JKAMP: variants seen among roughly 807,000 people sequenced by gnomAD.
The protein encoded by JKAMP is JNK1/MAPK8 associated membrane protein.
A neutral mutation model predicts 40.2 loss-of-function variants in JKAMP; 20 were observed. The ratio of observed to expected loss-of-function variants is 0.50; its 90% CI spans 0.35 to 0.72. The LOEUF (loss-of-function observed/expected upper bound fraction) is 0.72. Ranked by LOEUF, JKAMP falls within the 30% of genes least tolerant of loss-of-function variation. The pLI is 0.01. For missense variants in JKAMP, 276 were observed against 373.0 expected (o/e 0.74, Z 2.14); for synonymous variants, 138 against 131.6 (o/e 1.05, Z -0.33).
chr14:59,501,184 C>T lies in JKAMP; in HGVS notation c.641-7C>T. 1 of 1,545,152 alleles carries T rather than the reference C, an allele frequency of 6.5e-7. No individual in the cohort carries two copies. The highest frequency in any genetic ancestry group is 1.4e-5 in the African/African-American group (1 of 72,848). On this transcript the variant is annotated splice_region_variant and splice_polypyrimidine_tract_variant and intron_variant, in intron 5 of 6. Coordinates refer to ENST00000616435, the MANE Select transcript of JKAMP (RefSeq NM_016475.5). ...TTTCCAACATAATACCAATGCTTAT[C>T]TTTCAGATTACGCCTTCCCATACAT...
At chr14:59,490,667 A>G (rs1890923114) in intron 3 of JKAMP, among the ~76,000 whole-genome samples, 1 of 152,226 alleles carries the variant, frequency 6.6e-6, no homozygotes, top group African/African-American at 2.4e-5. Flanking sequence ...ACATTGGGAA[A>G]GCATTTATAA....
chr14:59,497,582 A>C (rs1891544212), intron 4 of JKAMP, among the ~76,000 whole-genome samples: 2 of 152,120 alleles, frequency 1.3e-5, no homozygotes, highest in Admixed American at 6.6e-5. Context: ...AAGACTAGGA[A>C]ACTAATTCAT....
At chr14:59,503,796 A>C in intron 6 of JKAMP, 58 bp from the exon 7 acceptor site, 2 of 1,006,314 alleles carry the variant, frequency 2.0e-6, no homozygotes, top group Admixed American at 4.2e-5. Flanking sequence ...TAAATTACCC[A>C]GCTGACTTAG....
chr14:59,498,954 G>A (rs1366410771), intron 5 of JKAMP, 46 bp downstream of exon 5: 2 of 888,576 alleles, frequency 2.3e-6, no homozygotes, highest in East Asian at 5.7e-5. Flanking sequence ...ATTATTGTAT[G>A]TAGTAATATT....
At chr14:59,494,995 T>A in intron 3 of JKAMP, 23 bp from the exon 4 acceptor site, 1 of 1,567,864 alleles carries the variant, frequency 6.4e-7, no homozygotes, top group Non-Finnish European at 8.8e-7. Flanking sequence ...TTTCTAGTAA[T>A]CATGCCTCTT....
intron 5 of JKAMP, among the ~76,000 whole-genome samples, chr14:59,499,209 G>A (rs1414878709): frequency 6.6e-6 from 1 of 150,962 alleles, no homozygotes; most frequent in Non-Finnish European, 1.5e-5. Context: ...TTTTTTTTTA[G>A]TAGAGACGGG....
At position 59,503,994 on chromosome 14, in the gene JKAMP, A is replaced by T. The variant is rs372291097; in HGVS notation, c.858A>T (p.Thr286=). 8.1e-6 allele frequency: 13 copies of T among 1,613,676 alleles called. No homozygotes were observed. The Admixed American group carries it at 8.3e-5, about 10-fold the overall frequency. Reference sequence around the variant, plus strand: ...TGCCCCTTTTGGCTTTGGTACCTACACCAGCCCTTTTTTACTTGTTCACTG... The same window carrying T: ...TGCCCCTTTTGGCTTTGGTACCTACTCCAGCCCTTTTTTACTTGTTCACTG... ...QDLPLLALVP[T]PALFYLFTAK... The change falls in exon 7 of 7, where the codon ACA becomes ACT. Residue 286 remains threonine (T), a synonymous_variant. Coordinates refer to ENST00000616435, the MANE Select transcript of JKAMP (RefSeq NM_016475.5).
intron 4 of JKAMP, among the ~76,000 whole-genome samples, chr14:59,496,390 C>A (rs1035105808): frequency 1.3e-5 from 2 of 151,656 alleles, no homozygotes; most frequent in Non-Finnish European, 2.9e-5. Context: ...CCTTGCATAA[C>A]TTAACGTGGT....
At chr14:59,484,715 G>A in intron 1 of JKAMP, 122 bp downstream of exon 1, 1 of 1,259,028 alleles carries the variant, frequency 7.9e-7, no homozygotes, top group Non-Finnish European at 1.1e-6. Context: ...CTCGCCCCTT[G>A]ACCCCGCCCG....
Position 59,504,156 on chromosome 14 carries a change from C to A in JKAMP, c.*84C>A. 2 of 769,666 alleles carry A rather than the reference C, an allele frequency of 2.6e-6. No homozygotes were observed. The highest frequency in any genetic ancestry group is 5.2e-5 in the East Asian group (2 of 38,604). 47.7% of individuals were successfully genotyped at this position (769,666 alleles called of 1,614,324 possible). On this transcript the variant is annotated 3_prime_UTR_variant, in exon 7 of 7. Coordinates refer to ENST00000616435, the MANE Select transcript of JKAMP (RefSeq NM_016475.5). ...ATCTTAACAGTGTATGAGAACTATT[C>A]TATCATATATGGGAACAAGATTGTC...
In JKAMP at chr14:59,486,658, A is replaced by G. The variant is rs182436666; in HGVS notation, c.5-55A>G. ...GCCAAATGCTTCAGCTATTATTGCA[A>G]TTATTTTTTATAATCACAAAAGATG... On this transcript the variant is annotated intron_variant, in intron 1 of 6. Transcript: ENST00000616435. 5.4e-4 allele frequency: 667 copies of G among 1,245,058 alleles called. 2 individuals are homozygous for G. In the African/African-American group the frequency reaches 6.9e-3, roughly 13 times the overall value. 77.1% of individuals were successfully genotyped at this position (1,245,058 alleles called of 1,614,324 possible).
intron 3 of JKAMP, among the ~76,000 whole-genome samples, chr14:59,490,122 A>C (rs367729306): frequency 2.6e-5 from 4 of 151,852 alleles, no homozygotes; most frequent in African/African-American, 7.3e-5. Context: ...GGGTCTCTCT[A>C]TGTTGCCCAG....
In JKAMP at chr14:59,503,862, T is replaced by C. The variant is rs371803799; in HGVS notation, c.726T>C (p.Tyr242=). 54 of 1,607,118 alleles carry C rather than the reference T, an allele frequency of 3.4e-5. No homozygotes were observed. Among genetic ancestry groups the C allele is most frequent in the Admixed American group, 1.8e-4 (11 of 59,974 alleles). Reference sequence around the variant, plus strand: ...TTTACAAAATTATATAGAACTGCTATGATCTTCTGGTCAGAAAGAAAAGAC... The same window carrying C: ...TTTACAAAATTATATAGAACTGCTACGATCTTCTGGTCAGAAAGAAAAGAC... ...YMSASEIENC[Y]DLLVRKKRLI... The change falls in exon 7 of 7, where the codon TAT becomes TAC. Residue 242 remains tyrosine, a synonymous_variant. Transcript: ENST00000616435.
chr14:59,484,798 C>G (rs1214805256), intron 1 of JKAMP: 4 of 902,176 alleles, frequency 4.4e-6, no homozygotes, highest in Non-Finnish European at 6.5e-6. Flanking sequence ...GGGAGGCGCG[C>G]TGTCTGCGGC....
chr14:59,490,378 A>G (rs1187177385), intron 3 of JKAMP, among the ~76,000 whole-genome samples: 1 of 152,148 alleles, frequency 6.6e-6, no homozygotes, highest in Non-Finnish European at 1.5e-5. Flanking sequence ...ACATTTCAAC[A>G]TGAGATTTGG....
chr14:59,496,461 C>T (rs1311400814), intron 4 of JKAMP, among the ~76,000 whole-genome samples: 1 of 151,812 alleles, frequency 6.6e-6, no homozygotes, highest in African/African-American at 2.4e-5. Flanking sequence ...ATAATGTAAT[C>T]TTATTTAAAA....
chr14:59,498,871 T>C lies in JKAMP; in HGVS notation c.603T>C (p.Ile201=). 1 of 1,611,652 alleles carries C rather than the reference T, an allele frequency of 6.2e-7. No individual in the cohort carries two copies. Among genetic ancestry groups the C allele is most frequent in the Non-Finnish European group, 8.5e-7 (1 of 1,178,868 alleles). The stretch of plus-strand genomic sequence containing the variant: ...ATGCTGCACTTTACTTCTTCCCAAT[T>C]TTAACCGTGCTTCAGGCAGTTGGTG... The part of the protein sequence containing the change: ...SIYAALYFFP[I]LTVLQAVGGG... The change falls in exon 5 of 7, where the codon ATT becomes ATC. Residue 201 remains isoleucine, a synonymous_variant. Transcript: ENST00000616435.
intron 1 of JKAMP, chr14:59,485,258 TCCTTA>T (rs1253305187): frequency 9.1e-6 from 7 of 767,142 alleles, no homozygotes; most frequent in African/African-American, 3.6e-5. Context: ...AGTTTCCAAT[TCCTTA>T]CCTTCTGCAT....
chr14:59,492,525 C>T (rs1891098567), intron 3 of JKAMP, among the ~76,000 whole-genome samples: 1 of 152,162 alleles, frequency 6.6e-6, no homozygotes, highest in African/African-American at 2.4e-5. Flanking sequence ...TCAAGAAAGC[C>T]AAACCATGGT....
Sources: gnomAD v4.1 joint callset for allele counts (sites outside exome capture counted in the v4.1 genomes callset) on GRCh38, gnomAD v4.1.1 for gene constraint, MANE v1.5 for transcripts, NCBI Gene and HGNC (gene_info 2026-07-23, HGNC 2026-07-21) for gene names.